KALRN: variants seen among roughly 807,000 people sequenced by gnomAD.
KALRN encodes kalirin RhoGEF kinase.
A neutral mutation model predicts 353.7 loss-of-function variants in KALRN; 70 were observed. The ratio of observed to expected loss-of-function variants is 0.20; its 90% CI spans 0.16 to 0.24. The LOEUF (loss-of-function observed/expected upper bound fraction) is 0.24. Among genes scored for constraint, KALRN ranks in the 10% least tolerant of loss-of-function variants. The probability of loss-of-function intolerance (pLI) is 1.00; values close to 1 mark genes in which losing one functional copy is unlikely to be tolerated. For missense variants in KALRN, 2,791 were observed against 3,756.7 expected, an observed-to-expected ratio of 0.74 and a Z score of 6.72; for synonymous variants, 1,391 against 1,434.8, an observed-to-expected ratio of 0.97 and a Z score of 0.69.
At chr3:124,064,766 A>AT (rs2042223252) in intron 1 of KALRN, among the ~76,000 whole-genome samples, 1 of 152,180 alleles carries the variant, frequency 6.6e-6, no homozygotes, top group Non-Finnish European at 1.5e-5. Context: ...TGCATCTGGA[A>AT]TGGCACAGCC....
At chr3:124,491,488 G>A in intron 31 of KALRN, 64 bp downstream of exon 31, 1 of 1,249,090 alleles carries the variant, frequency 8.0e-7, no homozygotes. Context: ...GGGTGGGCAA[G>A]TGACACCTCA....
At chr3:124,679,824 A>G (rs1448821037) in intron 51 of KALRN, 6 of 429,028 alleles carry the variant, frequency 1.4e-5, no homozygotes, top group African/African-American at 1.2e-4. Flanking sequence ...TTTGAAACTT[A>G]GAACACATTT....
intron 50 of KALRN, among the ~76,000 whole-genome samples, chr3:124,678,921 C>A (rs1008930163): frequency 2.6e-5 from 4 of 152,232 alleles, no homozygotes; most frequent in African/African-American, 9.6e-5. Context: ...TCTTATTTAC[C>A]CCCATCTTGA....
chr3:124,660,895 A>C, intron 43 of KALRN, 28 bp from the exon 44 acceptor site: 1 of 1,564,154 alleles, frequency 6.4e-7, no homozygotes, highest in Non-Finnish European at 8.8e-7. Flanking sequence ...CCCTTCCCAC[A>C]CTCTTGCCTG....
At chr3:124,666,121 T>C (rs1398297649) in intron 45 of KALRN, among the ~76,000 whole-genome samples, 2 of 152,088 alleles carry the variant, frequency 1.3e-5, no homozygotes, top group African/African-American at 4.8e-5. Context: ...TATTGTCCTT[T>C]CAATAAAAAA....
intron 1 of KALRN, among the ~76,000 whole-genome samples, chr3:124,123,657 G>A (rs1477713653): frequency 6.6e-6 from 1 of 152,240 alleles, no homozygotes; most frequent in East Asian, 1.9e-4. Context: ...AGATGAAATA[G>A]CCTTCTATTG....
chr3:124,141,250 G>A (rs1447562665), intron 1 of KALRN, among the ~76,000 whole-genome samples: 2 of 152,060 alleles, frequency 1.3e-5, no homozygotes, highest in Non-Finnish European at 2.9e-5. Context: ...TTTTCACCAT[G>A]TCTTTCCTCA....
chr3:124,156,420 G>A (rs1216674801), intron 1 of KALRN, among the ~76,000 whole-genome samples: 1 of 152,196 alleles, frequency 6.6e-6, no homozygotes, highest in Non-Finnish European at 1.5e-5. Context: ...TTAAACTTGG[G>A]GCCTGACAAA....
intron 1 of KALRN, among the ~76,000 whole-genome samples, chr3:124,184,466 G>C (rs961457463): frequency 1.3e-5 from 2 of 152,138 alleles, no homozygotes; most frequent in African/African-American, 4.8e-5. Context: ...CGTTAGCCTA[G>C]CTCTACCTTG....
chr3:124,524,464 A>G (rs1376187039), intron 33 of KALRN, among the ~76,000 whole-genome samples: 6 of 152,210 alleles, frequency 3.9e-5, no homozygotes, highest in Admixed American at 2.0e-4. Flanking sequence ...TAAAGCTTGG[A>G]TGACTAGAAG....
At chr3:124,386,301 C>T (rs1453398984) in intron 11 of KALRN, among the ~76,000 whole-genome samples, 1 of 152,096 alleles carries the variant, frequency 6.6e-6, no homozygotes, top group African/African-American at 2.4e-5. Context: ...ATGAAAGTCT[C>T]AGAAACCAAA....
chr3:124,438,305 G>T (rs1163138147), intron 17 of KALRN, among the ~76,000 whole-genome samples: 1 of 152,134 alleles, frequency 6.6e-6, no homozygotes, highest in Non-Finnish European at 1.5e-5. Flanking sequence ...ACCCAAATTT[G>T]TTACCCCTCT....
intron 33 of KALRN, among the ~76,000 whole-genome samples, chr3:124,511,581 C>T (rs1388272049): frequency 6.6e-6 from 1 of 152,152 alleles, no homozygotes; most frequent in Non-Finnish European, 1.5e-5. Context: ...GCTCCCAAAC[C>T]ACATAGCACT....
intron 45 of KALRN, among the ~76,000 whole-genome samples, chr3:124,666,007 T>G (rs34785698): frequency 0.026 from 3,990 of 152,290 alleles, 69 homozygotes; most frequent in East Asian, 0.078. Flanking sequence ...GCCATGAGAA[T>G]GCCCTTGGTC....
At chr3:124,460,614 C>T (rs115272692) in intron 23 of KALRN, among the ~76,000 whole-genome samples, 108 of 152,266 alleles carry the variant, frequency 7.1e-4, no homozygotes, top group African/African-American at 2.5e-3. Flanking sequence ...ATGTTGCTTA[C>T]GTGATCTTGT....
chr3:124,618,789 C>T (rs1561438875), intron 34 of KALRN, among the ~76,000 whole-genome samples: 2 of 152,126 alleles, frequency 1.3e-5, no homozygotes, highest in Admixed American at 1.3e-4. Flanking sequence ...GTGCCCACTC[C>T]AGCCTCGGAA....
chr3:124,696,267 T>A lies in KALRN; in HGVS notation c.7699+12T>A. 3.7e-6 allele frequency: 6 copies of A among 1,612,730 alleles called. No individual in the cohort carries two copies. The highest frequency in any genetic ancestry group is 5.1e-6 in the Non-Finnish European group (6 of 1,179,020). On this transcript the variant is annotated intron_variant, in intron 54 of 59. Coordinates refer to ENST00000682506, the MANE Select transcript of KALRN (RefSeq NM_001388419.1). The stretch of plus-strand genomic sequence containing the variant: ...AGTCAAAGTGCAAGGTACAGCCTCT[T>A]TGTTAGTCAAACCTTTTGAAATATA...
At chr3:124,102,469 G>A (rs554389158) in intron 1 of KALRN, among the ~76,000 whole-genome samples, 41 of 152,262 alleles carry the variant, frequency 2.7e-4, no homozygotes, top group African/African-American at 9.4e-4. Flanking sequence ...TCAGAGACTC[G>A]TGGTCACTAG....
At chr3:124,610,213 T>C (rs931238814) in intron 34 of KALRN, among the ~76,000 whole-genome samples, 1 of 152,180 alleles carries the variant, frequency 6.6e-6, no homozygotes, top group Non-Finnish European at 1.5e-5. Flanking sequence ...TTTTTAAATA[T>C]AGTACATTAA....
Sources: gnomAD v4.1 joint callset for allele counts (sites outside exome capture counted in the v4.1 genomes callset) on GRCh38, gnomAD v4.1.1 for gene constraint, MANE v1.5 for transcripts, NCBI Gene and HGNC (gene_info 2026-07-23, HGNC 2026-07-21) for gene names.